Variants in CDK12 observed in about 807,000 individuals in gnomAD.
CDK12 encodes cyclin dependent kinase 12.
A neutral mutation model predicts 133.8 loss-of-function variants in CDK12; 17 were observed. The ratio of observed to expected loss-of-function variants is 0.13; its 90% CI spans 0.09 to 0.19. The LOEUF (loss-of-function observed/expected upper bound fraction) is 0.19. Among genes scored for constraint, CDK12 ranks in the 10% least tolerant of loss-of-function variants. The probability of loss-of-function intolerance (pLI) is 1.00; values close to 1 mark genes in which losing one functional copy is unlikely to be tolerated. For missense variants in CDK12, 1,508 were observed against 1,818.7 expected (o/e 0.83, Z 3.11); for synonymous variants, 694 against 683.6 (o/e 1.02, Z -0.24).
intron 12 of CDK12, among the ~76,000 whole-genome samples, 167 bp from the exon 13 acceptor site, chr17:39,525,697 A>G (rs111347789): frequency 2.0e-5 from 3 of 152,380 alleles, no homozygotes; most frequent in African/African-American, 4.8e-5. Flanking sequence ...AAGCGAAAGC[A>G]TAAAGAGTAA....
intron 1 of CDK12, among the ~76,000 whole-genome samples, chr17:39,469,736 C>A (rs1246676346): frequency 6.6e-6 from 1 of 150,512 alleles, no homozygotes; most frequent in Non-Finnish European, 1.5e-5. Context: ...CTCCTGGGTT[C>A]AAGCGATTCT....
chr17:39,511,666 T>G, intron 8 of CDK12, 36 bp downstream of exon 8: 1 of 1,342,830 alleles, frequency 7.4e-7, no homozygotes, highest in Non-Finnish European at 1.1e-6. Flanking sequence ...TGTCTGTAAC[T>G]TACATACTGT....
chr17:39,471,600 T>G lies in CDK12; in HGVS notation c.1768T>G (p.Ser590Ala), dbSNP rs1420608682. The G allele has an allele frequency of 3.1e-6, 5 of 1,613,996 alleles. No homozygotes were observed. In the African/African-American group the frequency reaches 5.3e-5, roughly 17 times the overall value. ...STSTLPPSTH[S>A]KTSAVSSQAN... ...TTCAACTTTGCCCCCTTCTACTCACTCAAAGACATCTGCTGTGTCCTCTCA... is the reference window on the plus strand; with the variant it reads ...TTCAACTTTGCCCCCTTCTACTCACGCAAAGACATCTGCTGTGTCCTCTCA... The change falls in exon 2 of 14, where the codon TCA (serine) becomes GCA (alanine). Residue 590 changes from serine (S) to alanine (A), a missense_variant. By Grantham distance (99) the Ser-to-Ala change is moderately conservative. Coordinates refer to ENST00000447079, the MANE Select transcript of CDK12 (RefSeq NM_016507.4).
At chr17:39,488,730 T>C (rs2051331580) in intron 2 of CDK12, among the ~76,000 whole-genome samples, 1 of 152,082 alleles carries the variant, frequency 6.6e-6, no homozygotes, top group South Asian at 2.1e-4. Context: ...GAAAATTACT[T>C]CCTGCATTTT....
chr17:39,524,708 A>T lies in CDK12; in HGVS notation c.3130A>T (p.Ser1044Cys). 2 of 1,614,164 alleles carry T rather than the reference A, an allele frequency of 1.2e-6. No homozygotes were observed. The highest frequency in any genetic ancestry group is 2.2e-5 in the South Asian group (2 of 91,086). The change falls in exon 12 of 14, where the codon AGT (serine) becomes TGT (cysteine). Residue 1044 changes from serine (S) to cysteine (C), a missense_variant. Physicochemically the swap from Ser to Cys is moderately radical, Grantham distance 112. This residue lies in a region of CDK12 where 399 missense variants were observed against 469.6 expected (regional missense o/e 0.85). Transcript: ENST00000447079. ...CTGGCAGGATTGCCATGAGTTGTGG[A>T]GTAAGAAACGGCGACGTCAGCGACA... is the stretch of plus-strand genomic sequence containing the variant. ...PHWQDCHELWSKKRRRQRQSG... is the reference protein window; with the variant it reads ...PHWQDCHELWCKKRRRQRQSG...
intron 2 of CDK12, among the ~76,000 whole-genome samples, chr17:39,484,502 A>G (rs553168119): frequency 1.3e-5 from 2 of 152,268 alleles, no homozygotes; most frequent in South Asian, 4.1e-4. Context: ...AAAGGTGATA[A>G]TGTTAAGCAT....
rs751830784 is a variant in CDK12, at chr17:39,462,058, T to G, written c.-14T>G. ...GGGGAACTTTTTTCCCTTCTTCAGGTCAGGGGAAAGGGAATGCCCAATTCA... is the reference window on the plus strand; with the variant it reads ...GGGGAACTTTTTTCCCTTCTTCAGGGCAGGGGAAAGGGAATGCCCAATTCA... On this transcript the variant is annotated 5_prime_UTR_variant, in exon 1 of 14. Coordinates refer to ENST00000447079, the MANE Select transcript of CDK12 (RefSeq NM_016507.4). The G allele has an allele frequency of 6.2e-7, 1 of 1,606,990 alleles. No homozygotes were observed. The highest frequency in any genetic ancestry group is 1.1e-5 in the South Asian group (1 of 90,898).
rs2049020560 is a variant in CDK12 at position 39,462,416 on chromosome 17, G to T, written c.345G>T (p.Gln115His). 2 of 1,614,010 alleles carry T rather than the reference G, an allele frequency of 1.2e-6. No individual in the cohort carries two copies. Among genetic ancestry groups the T allele is most frequent in the South Asian group, 2.2e-5 (2 of 91,090 alleles). The change falls in exon 1 of 14, where the codon CAG becomes CAT. Residue 115 changes from glutamine to histidine, a missense_variant. Physicochemically the swap from Gln to His is conservative, Grantham distance 24. Around this residue, in one of 9 missense-constraint regions of CDK12, gnomAD observed 460 missense variants for 490.8 expected, o/e 0.94. Transcript: ENST00000447079. ...GCCTGCACAAACATCGTCACCACCA[G>T]CACAGGCGTTCCCGGGACTTACTAA... ...SDRLHKHRHH[Q>H]HRRSRDLLKA... is the part of the protein sequence containing the mutation.
Position 39,470,889 on chromosome 17 carries a change from A to G in CDK12, c.1057A>G (p.Met353Val), listed in dbSNP as rs760065247. The change falls in exon 2 of 14, where the codon ATG becomes GTG. Residue 353 changes from methionine to valine, a missense_variant. By Grantham distance (21) the Met-to-Val change is conservative. Coordinates refer to ENST00000447079, the MANE Select transcript of CDK12 (RefSeq NM_016507.4). ...SRSPLPSRKS[M>V]KSRSRSPAYS... The stretch of plus-strand genomic sequence containing the variant: ...TTTTTATTTTTCCAGTAGGAAATCC[A>G]TGAAGTCCAGAAGTAGAAGTCCTGC... 7 of 1,598,392 alleles carry G rather than the reference A, an allele frequency of 4.4e-6. No individual in the cohort carries two copies. The Admixed American group carries it at 7.2e-5, about 17-fold the overall frequency.
intron 3 of CDK12, among the ~76,000 whole-genome samples, chr17:39,559,230 C>T (rs376243885): frequency 2.6e-5 from 4 of 152,120 alleles, no homozygotes; most frequent in African/African-American, 9.7e-5. Flanking sequence ...TACATTTTGC[C>T]CACTTTCACC....
In CDK12 at chr17:39,462,550, A is replaced by C. The variant is rs752734792; in HGVS notation, c.479A>C (p.Asp160Ala). ...AAGCGTTCGAATGAGGAGACTGATG[A>C]CTATGGGAAGGCGCAGGTAGCCAAA... The part of the protein sequence containing the change: ...SSKRSNEETD[D>A]YGKAQVAKSS... Residue 160 changes from aspartate to alanine, a missense_variant, in exon 1 of 14, where the codon GAC becomes GCC. Transcript: ENST00000447079. 6.2e-7 allele frequency: 1 copy of C among 1,614,200 alleles called. No homozygotes were observed. Among genetic ancestry groups the C allele is most frequent in the South Asian group, 1.1e-5 (1 of 91,082 alleles).
chr17:39,508,817 G>C (rs1383611342), intron 6 of CDK12, among the ~76,000 whole-genome samples: 2 of 151,876 alleles, frequency 1.3e-5, no homozygotes, highest in Non-Finnish European at 1.5e-5. Flanking sequence ...CAACATAGGG[G>C]AACTCTGTCT....
At chr17:39,556,572 C>A (rs1322572584) in intron 3 of CDK12, among the ~76,000 whole-genome samples, 1 of 152,210 alleles carries the variant, frequency 6.6e-6, no homozygotes, top group Non-Finnish European at 1.5e-5. Context: ...AGTGTAACAG[C>A]TGCTCCTTGC....
rs1220464398 is a variant in CDK12, at chr17:39,462,054, C to T, written c.-18C>T. On this transcript the variant is annotated 5_prime_UTR_variant, in exon 1 of 14. Coordinates refer to ENST00000447079, the MANE Select transcript of CDK12 (RefSeq NM_016507.4). ...TGCTGGGGAACTTTTTTCCCTTCTT[C>T]AGGTCAGGGGAAAGGGAATGCCCAA... 3 of 1,599,716 alleles carry T rather than the reference C, an allele frequency of 1.9e-6. No homozygotes were observed. The highest frequency in any genetic ancestry group is 8.5e-7 in the Non-Finnish European group (1 of 1,170,348).
chr17:39,474,698 G>T (rs1171602054), intron 2 of CDK12, among the ~76,000 whole-genome samples: 3 of 148,978 alleles, frequency 2.0e-5, no homozygotes, highest in Non-Finnish European at 4.4e-5. Context: ...CTTTAGAGAA[G>T]ATGCAAGTAC....
rs1363224786 is a variant in CDK12 at position 39,511,762 on chromosome 17, T to A, written c.2768+132T>A. On this transcript the variant is annotated intron_variant, in intron 8 of 13. Coordinates refer to ENST00000447079, the MANE Select transcript of CDK12 (RefSeq NM_016507.4). ...GATGGCGATAAACTTTTGGCCAGATTTCCGGGAAATCTGTTGAATATTTCT... is the reference window on the plus strand; with the variant it reads ...GATGGCGATAAACTTTTGGCCAGATATCCGGGAAATCTGTTGAATATTTCT... 2.4e-5 allele frequency: 11 copies of A among 452,304 alleles called. No individual in the cohort carries two copies. In the East Asian group the frequency reaches 3.3e-4, roughly 14 times the overall value. 28.0% of individuals were successfully genotyped at this position (452,304 alleles called of 1,614,324 possible).
At chr17:39,491,263 T>C (rs970482519) in intron 3 of CDK12, among the ~76,000 whole-genome samples, 6 of 151,990 alleles carry the variant, frequency 3.9e-5, no homozygotes, top group Non-Finnish European at 8.8e-5. Context: ...TGAGACAGAG[T>C]TGCGTTCTTT....
chr17:39,498,231 T>C (rs757820933), intron 5 of CDK12, among the ~76,000 whole-genome samples: 1 of 151,702 alleles, frequency 6.6e-6, no homozygotes. Context: ...TGTTTTATTT[T>C]GTTTTTTTTT....
chr17:39,473,445 A>G (rs1395996845), intron 2 of CDK12, among the ~76,000 whole-genome samples: 1 of 152,248 alleles, frequency 6.6e-6, no homozygotes, highest in Non-Finnish European at 1.5e-5. Flanking sequence ...GGCATTAACA[A>G]AAATACTTCT....
Sources: allele counts gnomAD v4.1 joint callset (sites outside exome capture counted in the v4.1 genomes callset), GRCh38; gene constraint gnomAD v4.1.1; regional missense constraint gnomAD v4.1.1; transcripts MANE v1.5; gene names NCBI Gene and HGNC (gene_info 2026-07-23, HGNC 2026-07-21).